Variants in TNRC18 observed in about 807,000 individuals in gnomAD.
TNRC18 encodes trinucleotide repeat-containing gene 18 protein.
TNRC18 carries 69 observed loss-of-function variants against 226.7 expected under a neutral mutation model. That is an observed-to-expected ratio of 0.30 (90% CI 0.25 to 0.37). The LOEUF (loss-of-function observed/expected upper bound fraction) is 0.37, where lower values mean the gene tolerates loss of function less well. Among genes scored for constraint, TNRC18 ranks in the 10% least tolerant of loss-of-function variants. TNRC18 has a pLI of 1.00. For missense variants in TNRC18, 4,754 were observed against 4,256.6 expected, an observed-to-expected ratio of 1.12 and a Z score of -3.25; for synonymous variants, 2,449 against 1,927.6, an observed-to-expected ratio of 1.27 and a Z score of -7.09.
chr7:5,360,718 G>GC (rs5882058), intron 14 of TNRC18, among the ~76,000 whole-genome samples: 2,654 of 152,214 alleles, frequency 0.017, 82 homozygotes, highest in African/African-American at 0.061. Flanking sequence ...AGCTCTCCCT[G>GC]CCCCTGCTGC....
intron 25 of TNRC18, 147 bp from the exon 26 acceptor site, chr7:5,315,295 TG>T (rs1787739805): frequency 2.5e-6 from 2 of 815,106 alleles, no homozygotes; most frequent in South Asian, 4.0e-5. Context: ...CATGACAGGC[TG>T]TGAGGTCCAG....
chr7:5,371,144 T>C lies in TNRC18; in HGVS notation c.3450A>G (p.Glu1150=). ...ITEPLREGPE[E]EPLAEREVKA... is the part of the protein sequence containing the mutation. ...TCACCTCCCGCTCAGCCAGCGGTTC[T>C]TCCTCCGGGCCCTCCCGCAGCGGCT... Residue 1150 remains glutamate (E), a synonymous_variant, in exon 11 of 30, where the codon GAA becomes GAG. Transcript: ENST00000430969. 1 of 1,610,714 alleles carries C rather than the reference T, an allele frequency of 6.2e-7. No individual in the cohort carries two copies. The highest frequency in any genetic ancestry group is 1.1e-5 in the South Asian group (1 of 90,974).
At chr7:5,408,134 T>G (rs1278382026) in intron 2 of TNRC18, among the ~76,000 whole-genome samples, 1 of 152,048 alleles carries the variant, frequency 6.6e-6, no homozygotes, top group African/African-American at 2.4e-5. Flanking sequence ...ACGCCGTCTC[T>G]GCTAAAATAC....
intron 2 of TNRC18, among the ~76,000 whole-genome samples, chr7:5,402,268 T>G (rs2128210222): frequency 6.7e-6 from 1 of 149,108 alleles, no homozygotes; most frequent in East Asian, 2.0e-4. Context: ...GCACAGTGAC[T>G]CATGCCTGTA....
In TNRC18 at chr7:5,352,034, G is replaced by C; in HGVS notation, c.5255C>G (p.Ser1752Cys). The C allele has an allele frequency of 6.2e-7, 1 of 1,613,944 alleles. No individual in the cohort carries two copies. Among genetic ancestry groups the C allele is most frequent in the Non-Finnish European group, 8.5e-7 (1 of 1,179,850 alleles). The change falls in exon 17 of 30, where the codon TCC (serine) becomes TGC (cysteine). Residue 1752 changes from serine to cysteine, a missense_variant. Ser to Cys is a moderately radical substitution (Grantham distance 112, BLOSUM62 -1). Coordinates refer to ENST00000430969, the MANE Select transcript of TNRC18 (RefSeq NM_001080495.3). ...LKDEWPAQGP[S>C]SSKLTPSLLC... is the part of the protein sequence containing the mutation. ...GAGGGAAGGCGTCAGTTTGGAGCTG[G>C]AGGGGCCTTGGGCGGGCCACTCGTC...
Position 5,389,240 on chromosome 7 carries a change from G to A in TNRC18, c.584C>T (p.Pro195Leu), listed in dbSNP as rs778384445. ...TPGGGHSSGA[P>L]AKGSSSRDGP... is the part of the protein sequence containing the mutation. The stretch of plus-strand genomic sequence containing the variant: ...GTCCCGCGACGACGAGCCTTTGGCC[G>A]GGGCGCCCGAGGAGTGGCCGCCGCC... The change falls in exon 5 of 30, where the codon CCG becomes CTG. Residue 195 changes from proline to leucine, a missense_variant. Coordinates refer to ENST00000430969, the MANE Select transcript of TNRC18 (RefSeq NM_001080495.3). The A allele has an allele frequency of 1.4e-5, 18 of 1,330,580 alleles. No homozygotes were observed. The Admixed American group carries it at 2.3e-4, about 17-fold the overall frequency. The allele number at this position is 1,330,580 out of a possible 1,614,324, so 82.4% of individuals were successfully genotyped here.
chr7:5,387,168 TAA>T (rs1779853174), intron 5 of TNRC18, among the ~76,000 whole-genome samples: 1 of 152,190 alleles, frequency 6.6e-6, no homozygotes, highest in Admixed American at 6.6e-5. Context: ...TCTACCTACC[TAA>T]AAAGTCACTC....
intron 9 of TNRC18, 79 bp from the exon 10 acceptor site, chr7:5,374,563 A>C: frequency 7.0e-7 from 1 of 1,424,868 alleles, no homozygotes; most frequent in Admixed American, 2.4e-5. Context: ...CTGTCCCCCC[A>C]AGGGTCCCCG....
At chr7:5,311,819 TAA>T (rs11366632) in intron 27 of TNRC18, among the ~76,000 whole-genome samples, 39 of 140,338 alleles carry the variant, frequency 2.8e-4, no homozygotes, top group Admixed American at 5.0e-4. Flanking sequence ...TCCTGTCTCT[TAA>T]AAAAAAAAAA....
intron 2 of TNRC18, among the ~76,000 whole-genome samples, chr7:5,400,488 T>C (rs147723502): frequency 8.2e-4 from 125 of 152,186 alleles, no homozygotes; most frequent in African/African-American, 2.7e-3. Flanking sequence ...CGTGTCCCTA[T>C]AGTCCCAGCT....
intron 18 of TNRC18, among the ~76,000 whole-genome samples, chr7:5,333,713 G>T (rs549742926): frequency 6.6e-6 from 1 of 152,246 alleles, no homozygotes; most frequent in South Asian, 2.1e-4. Context: ...ATTCCCAGCT[G>T]CAAGCTTTGC....
intron 18 of TNRC18, among the ~76,000 whole-genome samples, chr7:5,335,308 A>T (rs1583815443): frequency 1.4e-5 from 2 of 147,812 alleles, no homozygotes; most frequent in African/African-American, 5.1e-5. Context: ...TCTCAAAAAA[A>T]AAAAAAAAAA....
chr7:5,361,843 G>C (rs1583914208), intron 13 of TNRC18, 54 bp downstream of exon 13: 1 of 1,509,360 alleles, frequency 6.6e-7, no homozygotes, highest in Non-Finnish European at 8.9e-7. Flanking sequence ...GCGCGCCTGG[G>C]GGCCTGGTGG....
chr7:5,376,902 C>A lies in TNRC18; in HGVS notation c.2553G>T (p.Arg851Ser), dbSNP rs372693557. 6.8e-6 allele frequency: 11 copies of A among 1,609,980 alleles called. No homozygotes were observed. In the African/African-American group the frequency reaches 9.4e-5, roughly 14 times the overall value. The change falls in exon 8 of 30, where the codon AGG becomes AGT. Residue 851 changes from arginine (R) to serine (S), a missense_variant. Physicochemically the swap from Arg to Ser is moderately radical, Grantham distance 110 (BLOSUM62 -1). Coordinates refer to ENST00000430969, the MANE Select transcript of TNRC18 (RefSeq NM_001080495.3). ...GSLPSAYQFV[R>S]DPQSGQLVVI... Reference sequence around the variant, plus strand: ...CCACCAGCTGGCCCGATTGGGGGTCCCTGACAAACTGGTAGGCTGACGGGA... The same window carrying A: ...CCACCAGCTGGCCCGATTGGGGGTCACTGACAAACTGGTAGGCTGACGGGA...
chr7:5,420,374 G>T (rs1198120081), intron 2 of TNRC18: 1 of 456,132 alleles, frequency 2.2e-6, no homozygotes, highest in Non-Finnish European at 4.4e-6. Context: ...TGTCCCTGCC[G>T]CACCTCCGCA....
chr7:5,405,807 T>A (rs180945003), intron 2 of TNRC18, among the ~76,000 whole-genome samples: 20 of 152,258 alleles, frequency 1.3e-4, no homozygotes, highest in Non-Finnish European at 1.9e-4. Flanking sequence ...CTCATGCCCA[T>A]AATCCCAACA....
rs777016762 is a variant in TNRC18, at chr7:5,313,709, C to T, written c.7182G>A (p.Pro2394=). The T allele has an allele frequency of 3.1e-6, 5 of 1,590,124 alleles. No individual in the cohort carries two copies. The highest frequency in any genetic ancestry group is 4.3e-6 in the Non-Finnish European group (5 of 1,168,530). The change falls in exon 27 of 30, where the codon CCG becomes CCA. Residue 2394 remains proline (P), a synonymous_variant. Coordinates refer to ENST00000430969, the MANE Select transcript of TNRC18 (RefSeq NM_001080495.3). ...AGGCGGGTGGTGCGGGACTGGGCTG[C>T]GGCGGTGCCGGGCGCGCCTTGGGGG... ...AKAPKARPAP[P]QPSPAPPAFT...
chr7:5,312,442 C>A lies in TNRC18; in HGVS notation c.8388+61G>T. 3.2e-6 allele frequency: 5 copies of A among 1,579,156 alleles called. No individual in the cohort carries two copies. The South Asian group carries it at 4.6e-5, about 14-fold the overall frequency. On this transcript the variant is annotated intron_variant, in intron 27 of 29. Coordinates refer to ENST00000430969, the MANE Select transcript of TNRC18 (RefSeq NM_001080495.3). This position sits in a 1 kb window ranked among gnomAD's most constrained non-coding sequence, Gnocchi z 6.3. ...CGGAGACACAGCATGAAGCCGTGGG[C>A]CCAGCAGAGAGACACAAGGCCCCCG...
chr7:5,377,312 A>ACCCC lies in TNRC18; in HGVS notation c.2461+58_2461+59insGGGG. 1.4e-5 allele frequency: 18 copies of ACCCC among 1,295,694 alleles called. No individual in the cohort carries two copies. Among genetic ancestry groups the ACCCC allele is most frequent in the East Asian group, 5.2e-5 (2 of 38,800 alleles). The allele number at this position is 1,295,694 out of a possible 1,614,324, so 80.3% of individuals were successfully genotyped here. ...AGCCAGCCCTGAGCTCTTGTCCTGC[A>ACCCC]CCCGCCCCCTCCCACCCCTCCCTCA... On this transcript the variant is annotated intron_variant, in intron 7 of 29. Transcript: ENST00000430969. This position sits in a 1 kb window ranked among gnomAD's most constrained non-coding sequence, Gnocchi z 5.8.
Sources: allele counts gnomAD v4.1 joint callset (sites outside exome capture counted in the v4.1 genomes callset), GRCh38; gene constraint gnomAD v4.1.1; non-coding constraint Gnocchi (gnomAD v3.1); transcripts MANE v1.5; gene names NCBI Gene and HGNC (gene_info 2026-07-23, HGNC 2026-07-21).